KRCC1: variants seen among roughly 807,000 people sequenced by gnomAD.
KRCC1 encodes lysine rich coiled-coil 1.
KRCC1 carries 3 observed loss-of-function variants against 7.4 expected under a neutral mutation model. The observed-to-expected ratio is 0.40, with a 90% CI of 0.18 to 1.04. The LOEUF is 1.04. Ranked by LOEUF, KRCC1 falls within the 50% of genes least tolerant of loss-of-function variation. The pLI, the probability that KRCC1 is intolerant of heterozygous loss-of-function variation, is 0.33. For missense variants in KRCC1, 277 were observed against 300.9 expected (o/e 0.92, Z 0.59); for synonymous variants, 102 against 101.6 (o/e 1.00, Z -0.02).
At chr2:88,038,926 A>C (rs745669265) in intron 1 of KRCC1, among the ~76,000 whole-genome samples, 6 of 152,204 alleles carry the variant, frequency 3.9e-5, no homozygotes, top group Non-Finnish European at 5.9e-5. Context: ...GGGTGGGGAC[A>C]CAAAGCCTAA....
intron 1 of KRCC1, among the ~76,000 whole-genome samples, chr2:88,051,175 C>T (rs1673475670): frequency 6.6e-6 from 1 of 152,054 alleles, no homozygotes; most frequent in African/African-American, 2.4e-5. Flanking sequence ...ATCCTCTGGC[C>T]TTGACCTCTC....
chr2:88,043,189 T>C (rs989945542), intron 1 of KRCC1, among the ~76,000 whole-genome samples: 1 of 152,154 alleles, frequency 6.6e-6, no homozygotes, highest in South Asian at 2.1e-4. Context: ...AAACAATCTA[T>C]AGGCAGATAG....
intron 1 of KRCC1, among the ~76,000 whole-genome samples, chr2:88,052,613 G>T (rs771886680): frequency 1.3e-5 from 2 of 152,168 alleles, no homozygotes; most frequent in Non-Finnish European, 2.9e-5. Context: ...TATAGTTTTT[G>T]ATCTATCTCA....
chr2:88,037,134 A>T (rs1673107097), intron 1 of KRCC1, 83 bp from the exon 2 acceptor site: 1 of 152,232 alleles, frequency 6.6e-6, no homozygotes, highest in African/African-American at 2.4e-5. Context: ...TATATTTCAT[A>T]TACCATCTCA....
At chr2:88,035,203 C>G (rs562601245) in intron 2 of KRCC1, among the ~76,000 whole-genome samples, 25 of 152,254 alleles carry the variant, frequency 1.6e-4, no homozygotes, top group South Asian at 6.2e-4. Flanking sequence ...TTTTATGTTT[C>G]TGTTTGTGAC....
chr2:88,031,978 A>C (rs755108651), intron 3 of KRCC1, among the ~76,000 whole-genome samples: 2 of 151,894 alleles, frequency 1.3e-5, no homozygotes, highest in Non-Finnish European at 2.9e-5. Flanking sequence ...CCCCATCTCT[A>C]GTAATAATAC....
chr2:88,034,539 G>A (rs1252319173), intron 2 of KRCC1, among the ~76,000 whole-genome samples: 1 of 152,060 alleles, frequency 6.6e-6, no homozygotes. Flanking sequence ...GAAATACAAT[G>A]TGATAGTTCA....
intron 1 of KRCC1, among the ~76,000 whole-genome samples, chr2:88,039,895 T>G (rs1233927491): frequency 6.6e-6 from 1 of 151,942 alleles, no homozygotes; most frequent in Admixed American, 6.6e-5. Flanking sequence ...TTTGGCGTAG[T>G]GCTTCGTGCC....
At chr2:88,029,838 A>AT (rs201297441) in intron 3 of KRCC1, among the ~76,000 whole-genome samples, 9 of 90,780 alleles carry the variant, frequency 9.9e-5, no homozygotes, top group African/African-American at 2.8e-4. Context: ...ATATATAAAA[A>AT]AATATATATA....
At chr2:88,054,104 A>AT (rs2104633451) in intron 1 of KRCC1, among the ~76,000 whole-genome samples, 1 of 152,358 alleles carries the variant, frequency 6.6e-6, no homozygotes, top group Admixed American at 6.5e-5. Flanking sequence ...GAACTATTAT[A>AT]GTAAGAACTC....
chr2:88,055,152 C>T (rs997665910), intron 1 of KRCC1, among the ~76,000 whole-genome samples: 3 of 151,768 alleles, frequency 2.0e-5, no homozygotes, highest in African/African-American at 7.3e-5. Context: ...TCCTGCTTTC[C>T]CCGATTCCTA....
chr2:88,032,703 C>T (rs1182968347), intron 3 of KRCC1, among the ~76,000 whole-genome samples: 3 of 152,116 alleles, frequency 2.0e-5, no homozygotes, highest in Admixed American at 1.3e-4. Context: ...TATAACGATA[C>T]AATGAAATAC....
chr2:88,043,228 G>C (rs769289994), intron 1 of KRCC1, among the ~76,000 whole-genome samples: 1 of 152,156 alleles, frequency 6.6e-6, no homozygotes, highest in African/African-American at 2.4e-5. Context: ...AGGAGGTCTA[G>C]GGGTTACAGC....
intron 1 of KRCC1, among the ~76,000 whole-genome samples, chr2:88,040,583 A>G (rs1468833692): frequency 6.6e-6 from 1 of 152,264 alleles, no homozygotes; most frequent in Non-Finnish European, 1.5e-5. Flanking sequence ...TGGGATTTAA[A>G]GAAATTAAAA....
chr2:88,028,448 T>C lies in KRCC1; in HGVS notation c.116A>G (p.Asp39Gly). ...PKTCFRKMKGDYLETCGYKGE... is the reference protein window; with the variant it reads ...PKTCFRKMKGGYLETCGYKGE... ...TTTGTACCCACAGGTTTCCAAATAG[T>C]CCCCTTTCATCTTTCTGAAACAAGT... Residue 39 changes from aspartate to glycine, a missense_variant, in exon 4 of 4, where the codon GAC becomes GGC. Asp to Gly is a moderately conservative substitution (Grantham distance 94). Transcript: ENST00000347055. The C allele has an allele frequency of 6.2e-7, 1 of 1,614,080 alleles. No individual in the cohort carries two copies. Among genetic ancestry groups the C allele is most frequent in the Non-Finnish European group, 8.5e-7 (1 of 1,179,974 alleles).
chr2:88,028,420 T>G lies in KRCC1; in HGVS notation c.144A>C (p.Gly48=). The change falls in exon 4 of 4, where the codon GGA becomes GGC. Residue 48 remains glycine (G), a synonymous_variant. Coordinates refer to ENST00000347055, the MANE Select transcript of KRCC1 (RefSeq NM_016618.3). ...GDYLETCGYK[G]EVNSRPTYRM... is the part of the protein sequence containing the mutation. ...TATACGTGGGTCTGGAATTAACCTCTCCTTTGTACCCACAGGTTTCCAAAT... is the reference window on the plus strand; with the variant it reads ...TATACGTGGGTCTGGAATTAACCTCGCCTTTGTACCCACAGGTTTCCAAAT... 6.2e-7 allele frequency: 1 copy of G among 1,614,168 alleles called. No homozygotes were observed. Among genetic ancestry groups the G allele is most frequent in the Non-Finnish European group, 8.5e-7 (1 of 1,180,022 alleles).
At chr2:88,051,320 G>A (rs1180660658) in intron 1 of KRCC1, among the ~76,000 whole-genome samples, 1 of 152,212 alleles carries the variant, frequency 6.6e-6, no homozygotes, top group African/African-American at 2.4e-5. Flanking sequence ...AAATGGATTA[G>A]CAGATGCTCT....
At position 88,043,114 on chromosome 2, in the gene KRCC1, T is replaced by A. The variant is rs530306253; in HGVS notation, c.-290-6063A>T. Among the ~76,000 whole-genome samples, 241 of 152,304 alleles carry A rather than the reference T, an allele frequency of 1.6e-3. 2 individuals carry two copies. The highest frequency in any genetic ancestry group is 5.5e-3 in the African/African-American group (230 of 41,562). Reference sequence around the variant, plus strand: ...TTGTTGATATTTGAAATACAGGAAATGCCCTTCTAAAATTGTAACCATCCT... The same window carrying A: ...TTGTTGATATTTGAAATACAGGAAAAGCCCTTCTAAAATTGTAACCATCCT... On this transcript the variant is annotated intron_variant, in intron 1 of 3. Coordinates refer to ENST00000347055, the MANE Select transcript of KRCC1 (RefSeq NM_016618.3).
In KRCC1 at chr2:88,028,546, C is replaced by T; in HGVS notation, c.18G>A (p.Lys6=). 1.9e-6 allele frequency: 3 copies of T among 1,605,464 alleles called. No homozygotes were observed. Among genetic ancestry groups the T allele is most frequent in the Non-Finnish European group, 2.6e-6 (3 of 1,176,072 alleles). Residue 6 remains lysine, a synonymous_variant, in exon 4 of 4, where the codon AAG becomes AAA. Coordinates refer to ENST00000347055, the MANE Select transcript of KRCC1 (RefSeq NM_016618.3). The part of the protein sequence containing the change: MKHSK[K]TYDSFQDELE... ...GTTCATCTTGAAAAGAGTCATATGT[C>T]TTCTTTGAATGCTTCATTAGGTTGA...
Sources: allele counts gnomAD v4.1 joint callset (sites outside exome capture counted in the v4.1 genomes callset), GRCh38; gene constraint gnomAD v4.1.1; transcripts MANE v1.5; gene names NCBI Gene and HGNC (gene_info 2026-07-23, HGNC 2026-07-21).